CHTF18: variants seen among roughly 807,000 people sequenced by gnomAD.
The protein encoded by CHTF18 is chromosome transmission fidelity factor 18, also known as chromosome transmission fidelity protein 18 homolog.
A neutral mutation model predicts 113.4 loss-of-function variants in CHTF18; 151 were observed. The observed-to-expected ratio is 1.33, with a 90% CI of 1.17 to 1.52. CHTF18 has a LOEUF of 1.52. Ranked by LOEUF, CHTF18 falls within the 40% of genes most tolerant of loss-of-function variation. CHTF18 has a pLI of 0.00. For missense variants in CHTF18, 1,982 were observed against 1,381.6 expected, an observed-to-expected ratio of 1.43 and a Z score of -6.89; for synonymous variants, 916 against 598.8, an observed-to-expected ratio of 1.53 and a Z score of -7.74.
chr16:790,702 C>T lies in CHTF18; in HGVS notation c.894+36C>T, dbSNP rs139716378. 5.1e-4 allele frequency: 770 copies of T among 1,496,636 alleles called. 13 individuals are homozygous for T. In the East Asian group the frequency reaches 9.1e-3, roughly 18 times the overall value. 92.7% of individuals were successfully genotyped at this position (1,496,636 alleles called of 1,614,324 possible). On this transcript the variant is annotated intron_variant, in intron 7 of 21. Transcript: ENST00000262315. ...GTTCTCACTCAAGTGTGGCTGGCTTCCTCTGTTCCCAAGATGGAAGAACCT... is the reference window on the plus strand; with the variant it reads ...GTTCTCACTCAAGTGTGGCTGGCTTTCTCTGTTCCCAAGATGGAAGAACCT...
chr16:789,565 C>T lies in CHTF18; in HGVS notation c.456C>T (p.Ala152=), dbSNP rs746493570. 36 of 1,603,078 alleles carry T rather than the reference C, an allele frequency of 2.2e-5. No individual in the cohort carries two copies. The highest frequency in any genetic ancestry group is 1.7e-4 in the Middle Eastern group (1 of 6,060). Residue 152 remains alanine (A), a synonymous_variant, in exon 4 of 22, where the codon GCC becomes GCT. Transcript: ENST00000262315. ...TCTCCAGAGTCTCAGAAGCTGCTGC[C>T]GACGTGGGTCTCACACGGGCCTCAC... ...LWGHGVSEAA[A]DVGLTRASPA... is the part of the protein sequence containing the mutation.
rs766009475 is a variant in CHTF18, at chr16:790,353, G to A, written c.706G>A (p.Glu236Lys). Residue 236 changes from glutamate to lysine, a missense_variant, in exon 6 of 22, where the codon GAG becomes AAG. Transcript: ENST00000262315. Reference sequence around the variant, plus strand: ...CAGCCTGTTGTTTGCACAGCGGCGGGAGCGGCTGCTTCAGGAGGCCCAGAA... The same window carrying A: ...CAGCCTGTTGTTTGCACAGCGGCGGAAGCGGCTGCTTCAGGAGGCCCAGAA... ...LKKQVDGERR[E>K]RLLQEAQKLS... 8 of 1,611,466 alleles carry A rather than the reference G, an allele frequency of 5.0e-6. No individual in the cohort carries two copies. In the South Asian group the frequency reaches 8.8e-5, roughly 18 times the overall value.
rs554389371 is a variant in CHTF18 at position 792,447 on chromosome 16, C to G, written c.1335C>G (p.Ile445Met). The G allele has an allele frequency of 6.4e-7, 1 of 1,564,932 alleles. No homozygotes were observed. The highest frequency in any genetic ancestry group is 8.7e-7 in the Non-Finnish European group (1 of 1,155,084). ...DEIDGAPVAA[I>M]NVLLSILNRK... ...CTCTGACCTCCCCCAAGGCCGCCAT[C>G]AACGTCCTCCTGAGCATCCTGAACC... The change falls in exon 11 of 22, where the codon ATC (isoleucine) becomes ATG (methionine). Residue 445 changes from isoleucine to methionine, a missense_variant. Coordinates refer to ENST00000262315, the MANE Select transcript of CHTF18 (RefSeq NM_022092.3).
chr16:792,463 A>G lies in CHTF18; in HGVS notation c.1351A>G (p.Ile451Val), dbSNP rs773779380. The G allele has an allele frequency of 6.4e-7, 1 of 1,574,706 alleles. No individual in the cohort carries two copies. The highest frequency in any genetic ancestry group is 2.3e-5 in the East Asian group (1 of 42,970). ...PVAAINVLLS[I>V]LNRKGPQEVG... ...GGCCGCCATCAACGTCCTCCTGAGC[A>G]TCCTGAACCGCAAGGGGCCACAGGA... The change falls in exon 11 of 22, where the codon ATC (isoleucine) becomes GTC (valine). Residue 451 changes from isoleucine (I) to valine (V), a missense_variant. By Grantham distance (29) the Ile-to-Val change is conservative. Coordinates refer to ENST00000262315, the MANE Select transcript of CHTF18 (RefSeq NM_022092.3).
Position 792,335 on chromosome 16 carries a change from CG to C in CHTF18, c.1318del (p.Ala440ProfsTer10). On this transcript the variant is annotated frameshift_variant, in exon 10 of 22. Coordinates refer to ENST00000262315, the MANE Select transcript of CHTF18 (RefSeq NM_022092.3). LOFTEE classifies it high-confidence loss of function. ...PNCLVIDEID[G>X]APVAAINVLL... ...ACTGCCTGGTCATCGATGAGATCGA[CG>C]GGGCCCCCGTGGTGGGCTCCTTGAT... is the stretch of plus-strand genomic sequence containing the variant. 6.4e-7 allele frequency: 1 copy of C among 1,553,262 alleles called. No individual in the cohort carries two copies. The highest frequency in any genetic ancestry group is 8.7e-7 in the Non-Finnish European group (1 of 1,148,860).
intron 18 of CHTF18, among the ~76,000 whole-genome samples, chr16:796,279 T>G (rs1290061204): frequency 1.3e-5 from 2 of 152,228 alleles, no homozygotes; most frequent in African/African-American, 2.4e-5. Context: ...GACCTGAGTT[T>G]TGCTGCAGAG....
chr16:792,160 C>A, intron 9 of CHTF18, 64 bp from the exon 10 acceptor site: 2 of 1,532,818 alleles, frequency 1.3e-6, no homozygotes, highest in African/African-American at 1.4e-5. Context: ...GCAGCCCCGG[C>A]CTTGGGAGGC....
At position 789,843 on chromosome 16, in the gene CHTF18, G is replaced by A. The variant is rs571948470; in HGVS notation, c.606+128G>A. The A allele has an allele frequency of 3.1e-4, 419 of 1,331,994 alleles. 6 individuals are homozygous for A. The South Asian group carries it at 5.7e-3, about 18-fold the overall frequency. The allele number at this position is 1,331,994 out of a possible 1,614,324, so 82.5% of individuals were successfully genotyped here. The stretch of plus-strand genomic sequence containing the variant: ...GCAGAGCCCCAGGGGTGCAGAGGGG[G>A]AGGCTGCGTCATGGGGCGTAGACTT... On this transcript the variant is annotated intron_variant, in intron 4 of 21. Transcript: ENST00000262315.
rs376897939 is a variant in CHTF18, at chr16:797,908, G to C, written c.2861G>C (p.Trp954Ser). The change falls in exon 22 of 22, where the codon TGG (tryptophan) becomes TCG (serine). Residue 954 changes from tryptophan to serine, a missense_variant. Transcript: ENST00000262315. ...MGTAVGRSEV[W>S]FRFNEGVSNA... ...ACAGCGGTGGGCAGGAGCGAGGTCT[G>C]GTTCCGCTTCAACGAGGGTGTCTCC... 2.5e-6 allele frequency: 4 copies of C among 1,611,956 alleles called. No homozygotes were observed. Among genetic ancestry groups the C allele is most frequent in the Non-Finnish European group, 3.4e-6 (4 of 1,179,684 alleles).
intron 15 of CHTF18, chr16:794,624 C>A: frequency 4.2e-6 from 1 of 239,426 alleles, no homozygotes; most frequent in Non-Finnish European, 8.2e-6. Flanking sequence ...TGTCTGCTGA[C>A]TCTAAGCGGC....
intron 9 of CHTF18, 37 bp from the exon 10 acceptor site, chr16:792,187 C>T: frequency 6.5e-7 from 1 of 1,549,650 alleles, no homozygotes; most frequent in Non-Finnish European, 8.7e-7. Flanking sequence ...GCCAGGGACG[C>T]CCACTGCCCT....
chr16:791,830 C>T (rs200986972), intron 8 of CHTF18, 21 bp from the exon 9 acceptor site: 189 of 1,585,878 alleles, frequency 1.2e-4, no homozygotes, highest in African/African-American at 2.4e-4. Flanking sequence ...CACACTACGC[C>T]TTCATCTACC....
chr16:795,290 G>C lies in CHTF18; in HGVS notation c.2109G>C (p.Val703=). ...QLLRYPPFLP[V]AFHVLFASSH... Reference sequence around the variant, plus strand: ...TGCGCTACCCACCCTTCCTGCCCGTGGCCTTCCATGTGCTGTTTGCTTCCA... The same window carrying C: ...TGCGCTACCCACCCTTCCTGCCCGTCGCCTTCCATGTGCTGTTTGCTTCCA... Residue 703 remains valine, a synonymous_variant, in exon 16 of 22, where the codon GTG becomes GTC. Transcript: ENST00000262315. The C allele has an allele frequency of 6.5e-7, 1 of 1,548,940 alleles. No individual in the cohort carries two copies. Among genetic ancestry groups the C allele is most frequent in the Non-Finnish European group, 8.7e-7 (1 of 1,146,706 alleles).
chr16:795,238 C>T lies in CHTF18; in HGVS notation c.2057C>T (p.Ala686Val). The T allele has an allele frequency of 6.5e-7, 1 of 1,550,048 alleles. No homozygotes were observed. Among genetic ancestry groups the T allele is most frequent in the Non-Finnish European group, 8.7e-7 (1 of 1,147,278 alleles). ...LAFDDLLAGAAHHSQSFQLLR... is the reference protein window; with the variant it reads ...LAFDDLLAGAVHHSQSFQLLR... ...TTCGATGACCTGCTGGCGGGGGCTG[C>T]TCATCACAGCCAGAGCTTCCAGCTG... is the stretch of plus-strand genomic sequence containing the variant. Residue 686 changes from alanine to valine, a missense_variant, in exon 16 of 22, where the codon GCT becomes GTT. Transcript: ENST00000262315.
In CHTF18 at chr16:790,198, T is replaced by C. The variant is rs769023158; in HGVS notation, c.628T>C (p.Trp210Arg). Residue 210 changes from tryptophan (W) to arginine (R), a missense_variant, in exon 5 of 22, where the codon TGG becomes CGG. Transcript: ENST00000262315. The part of the protein sequence containing the change: ...GVQGSLLHVP[W>R]RGGGQLDLLG... ...ACAGGGCTCTCTCCTCCACGTCCCA[T>C]GGCGAGGCGGTGGCCAGCTGGACCT... The C allele has an allele frequency of 4.4e-6, 7 of 1,603,066 alleles. No individual in the cohort carries two copies. The East Asian group carries it at 1.1e-4, about 26-fold the overall frequency.
chr16:790,094 G>C (rs763367676), intron 4 of CHTF18, 83 bp from the exon 5 acceptor site: 88 of 1,539,556 alleles, frequency 5.7e-5, no homozygotes, highest in Middle Eastern at 1.7e-4. Context: ...TGTCCCACCC[G>C]GGTCCCTGAG....
chr16:789,815 T>C (rs1218116489), intron 4 of CHTF18, 100 bp downstream of exon 4: 2 of 1,402,662 alleles, frequency 1.4e-6, no homozygotes, highest in African/African-American at 1.4e-5. Context: ...AAGCGGGTCC[T>C]GTGCAGAGCC....
rs1886216564 is a variant in CHTF18, at chr16:794,084, T to C, written c.1833T>C (p.Pro611=). ...RRRVGQDPAL[P]ADTLLLGDGD... is the part of the protein sequence containing the mutation. ...GTGTGGGCCAGGACCCCGCCCTGCC[T>C]GCTGACACACTCCTGCTGGGTGACG... Residue 611 remains proline, a synonymous_variant, in exon 15 of 22, where the codon CCT becomes CCC. Transcript: ENST00000262315. 1 of 1,611,876 alleles carries C rather than the reference T, an allele frequency of 6.2e-7. No individual in the cohort carries two copies. The highest frequency in any genetic ancestry group is 8.5e-7 in the Non-Finnish European group (1 of 1,179,632).
chr16:791,306 A>C lies in CHTF18; in HGVS notation c.1040A>C (p.His347Pro). 6.2e-7 allele frequency: 1 copy of C among 1,610,738 alleles called. No individual in the cohort carries two copies. Among genetic ancestry groups the C allele is most frequent in the Non-Finnish European group, 8.5e-7 (1 of 1,179,620 alleles). The part of the protein sequence containing the change: ...EATAPGKWKS[H>P]EQVLEEMLEA... ...ACAGCCCCAGGCAAGTGGAAGAGCC[A>C]CGAACAGGTGCTGGAGGAGATGCTG... The change falls in exon 8 of 22, where the codon CAC becomes CCC. Residue 347 changes from histidine (H) to proline (P), a missense_variant. Transcript: ENST00000262315.
Sources: gnomAD v4.1 joint callset for allele counts (sites outside exome capture counted in the v4.1 genomes callset) on GRCh38, gnomAD v4.1.1 for gene constraint, MANE v1.5 for transcripts, NCBI Gene and HGNC (gene_info 2026-07-23, HGNC 2026-07-21) for gene names.